The following CCDC13 variants were observed in gnomAD, a reference collection of about 807,000 sequenced individuals.
CCDC13 encodes the protein coiled-coil domain-containing protein 13.
CCDC13 carries 70 observed loss-of-function variants against 87.3 expected under a neutral mutation model. That is an observed-to-expected ratio of 0.80 (90% CI 0.66 to 0.98). The LOEUF (loss-of-function observed/expected upper bound fraction) is 0.98, where lower values mean the gene tolerates loss of function less well. Among genes scored for constraint, CCDC13 ranks in the 50% least tolerant of loss-of-function variants. The pLI is 0.00. For missense variants in CCDC13, 842 were observed against 892.0 expected (o/e 0.94, Z 0.71); for synonymous variants, 317 against 360.3 (o/e 0.88, Z 1.36).
intron 13 of CCDC13, among the ~76,000 whole-genome samples, chr3:42,721,077 G>A (rs972985543): frequency 6.6e-6 from 1 of 152,078 alleles, no homozygotes; most frequent in African/African-American, 2.4e-5. Flanking sequence ...CTTTCGTCAG[G>A]CTATATTTGT....
intron 1 of CCDC13, chr3:42,770,688 C>T (rs942499062): frequency 2.6e-5 from 4 of 152,484 alleles, no homozygotes; most frequent in Non-Finnish European, 4.4e-5. Context: ...CTCTTTGGGT[C>T]CACACTGCTT....
At chr3:42,724,238 C>T (rs191693234) in intron 13 of CCDC13, among the ~76,000 whole-genome samples, 1 of 152,332 alleles carries the variant, frequency 6.6e-6, no homozygotes. Context: ...CTCCTTCTCC[C>T]CTATAACGTG....
chr3:42,714,590 T>A (rs1453485323), intron 13 of CCDC13, among the ~76,000 whole-genome samples: 1 of 152,202 alleles, frequency 6.6e-6, no homozygotes, highest in Non-Finnish European at 1.5e-5. Context: ...TACTAAAGGT[T>A]CATTTAGTGA....
intron 13 of CCDC13, among the ~76,000 whole-genome samples, chr3:42,724,668 A>T (rs937574899): frequency 6.6e-6 from 1 of 152,212 alleles, no homozygotes; most frequent in Non-Finnish European, 1.5e-5. Context: ...ATTTTGAAAG[A>T]TTTACCTTTT....
intron 3 of CCDC13, among the ~76,000 whole-genome samples, chr3:42,753,489 A>AGTG (rs10678747): frequency 0.23 from 35,402 of 152,078 alleles, 4,378 homozygotes; most frequent in Non-Finnish European, 0.28. Flanking sequence ...TTAGGGATTC[A>AGTG]GTGGTGGATA....
chr3:42,770,240 T>C (rs182248518), intron 1 of CCDC13, among the ~76,000 whole-genome samples: 20 of 152,326 alleles, frequency 1.3e-4, no homozygotes, highest in Admixed American at 4.6e-4. Flanking sequence ...CAGCACCCTA[T>C]GTCTAGCTCA....
rs1466295987 is a variant in CCDC13, at chr3:42,708,014, G to A, written c.*966C>T. On this transcript the variant is annotated 3_prime_UTR_variant, in exon 16 of 16. Coordinates refer to ENST00000310232, the MANE Select transcript of CCDC13 (RefSeq NM_144719.4). The stretch of plus-strand genomic sequence containing the variant: ...ATCCCTCCAAGTTCACCATGGCGAG[G>A]GAGGTGCACTGTACCTTTGACTGGA... Among the ~76,000 whole-genome samples the A allele has an allele frequency of 2.0e-5, 3 of 152,178 alleles. No homozygotes were observed. Among genetic ancestry groups the A allele is most frequent in the African/African-American group, 4.8e-5 (2 of 41,438 alleles).
intron 1 of CCDC13, among the ~76,000 whole-genome samples, chr3:42,762,408 G>T (rs769600799): frequency 1.3e-5 from 2 of 152,160 alleles, no homozygotes; most frequent in African/African-American, 2.4e-5. Context: ...CTTCACCTGG[G>T]GACCTTGGGC....
intron 10 of CCDC13, 57 bp downstream of exon 10, chr3:42,735,650 C>T: frequency 6.4e-7 from 1 of 1,554,798 alleles, no homozygotes; most frequent in Non-Finnish European, 8.8e-7. Context: ...GTGGAAGGAG[C>T]TGGATGGACT....
chr3:42,709,097 G>A lies in CCDC13; in HGVS notation c.2031C>T (p.Ala677=), dbSNP rs934660866. ...CCTTTCCCCGCAGGGCACTGCCCAG[G>A]GCAGCCTTTAGCATTTCATTCTCCT... The part of the protein sequence containing the change: ...QVEENEMLKA[A]LGSALRGKEE... The change falls in exon 16 of 16, where the codon GCC becomes GCT. Residue 677 remains alanine (A), a synonymous_variant. Transcript: ENST00000310232. The A allele has an allele frequency of 1.2e-6, 2 of 1,613,594 alleles. No homozygotes were observed. The highest frequency in any genetic ancestry group is 8.5e-7 in the Non-Finnish European group (1 of 1,179,696).
chr3:42,709,407 G>A (rs566535059), intron 15 of CCDC13, among the ~76,000 whole-genome samples: 4 of 152,328 alleles, frequency 2.6e-5, no homozygotes, highest in Admixed American at 6.5e-5. Flanking sequence ...CCATGGCTGC[G>A]TGGGGTCTTA....
At chr3:42,710,703 C>G (rs1302257679) in intron 14 of CCDC13, among the ~76,000 whole-genome samples, 1 of 152,076 alleles carries the variant, frequency 6.6e-6, no homozygotes, top group Non-Finnish European at 1.5e-5. Context: ...GGCATGGAGG[C>G]ATGCACCTCA....
At chr3:42,718,390 C>T (rs1698480633) in intron 13 of CCDC13, among the ~76,000 whole-genome samples, 1 of 152,130 alleles carries the variant, frequency 6.6e-6, no homozygotes, top group Non-Finnish European at 1.5e-5. Flanking sequence ...CCTTGTTTAG[C>T]ACATCATCAA....
intron 11 of CCDC13, among the ~76,000 whole-genome samples, chr3:42,733,187 G>C (rs1698888431): frequency 6.6e-6 from 1 of 152,380 alleles, no homozygotes; most frequent in Non-Finnish European, 1.5e-5. Flanking sequence ...ACACGGGTCT[G>C]TTTGAAGGCC....
At chr3:42,767,535 A>G (rs113842119) in intron 1 of CCDC13, among the ~76,000 whole-genome samples, 1 of 152,256 alleles carries the variant, frequency 6.6e-6, no homozygotes, top group Non-Finnish European at 1.5e-5. Context: ...ATTCAATGCA[A>G]TTGCAATAAA....
Position 42,729,367 on chromosome 3 carries a change from G to C in CCDC13, c.1718+1100C>G, listed in dbSNP as rs551362802. On this transcript the variant is annotated intron_variant, in intron 13 of 15. Coordinates refer to ENST00000310232, the MANE Select transcript of CCDC13 (RefSeq NM_144719.4). ...TGTCTGAAATTCACATCATCTCTAT[G>C]TACTATGTGAAAGCAAAGCTGACCA... Among the ~76,000 whole-genome samples, 22 of 152,246 alleles carry C rather than the reference G, an allele frequency of 1.4e-4. No individual in the cohort carries two copies. The South Asian group carries it at 4.4e-3, about 30-fold the overall frequency.
chr3:42,752,465 C>T, intron 4 of CCDC13, 110 bp downstream of exon 4: 2 of 1,418,302 alleles, frequency 1.4e-6, no homozygotes, highest in Non-Finnish European at 9.7e-7. Flanking sequence ...GAGAAAGCCT[C>T]TTAACCTTCC....
intron 8 of CCDC13, among the ~76,000 whole-genome samples, chr3:42,742,027 A>ATG (rs998563467): frequency 6.6e-6 from 1 of 152,214 alleles, no homozygotes; most frequent in Non-Finnish European, 1.5e-5. Context: ...GGCCTGTTGT[A>ATG]TGGCCTGCCT....
intron 3 of CCDC13, 45 bp downstream of exon 3, chr3:42,757,021 C>A: frequency 6.3e-7 from 1 of 1,588,578 alleles, no homozygotes; most frequent in South Asian, 1.1e-5. Flanking sequence ...TATCTGAAGT[C>A]CCTGGACTGC....
Sources: gnomAD v4.1 joint callset for allele counts (sites outside exome capture counted in the v4.1 genomes callset) on GRCh38, gnomAD v4.1.1 for gene constraint, MANE v1.5 for transcripts, NCBI Gene and HGNC (gene_info 2026-07-23, HGNC 2026-07-21) for gene names.